MYO16: variants seen among roughly 807,000 people sequenced by gnomAD.
The protein encoded by MYO16 is unconventional myosin-XVI.
MYO16 carries 94 observed loss-of-function variants against 205.3 expected under a neutral mutation model. The ratio of observed to expected loss-of-function variants is 0.46; its 90% CI spans 0.39 to 0.54. The LOEUF is 0.54. Among genes scored for constraint, MYO16 ranks in the 20% least tolerant of loss-of-function variants. The pLI is 0.00. For synonymous variants in MYO16, 988 were observed against 954.0 expected, an observed-to-expected ratio of 1.04 and a Z score of -0.66; for missense variants, 2,315 against 2,387.5, an observed-to-expected ratio of 0.97 and a Z score of 0.63.
intron 32 of MYO16, among the ~76,000 whole-genome samples, chr13:109,161,258 C>T (rs535067929): frequency 7.2e-5 from 11 of 152,324 alleles, no homozygotes; most frequent in East Asian, 5.8e-4. Flanking sequence ...GTGGTAAACT[C>T]GTCACAGGAA....
At chr13:108,505,373 A>AG in the MYO16 span, among the ~76,000 whole-genome samples, 1 of 152,132 alleles carries the variant, frequency 6.6e-6, no homozygotes, top group South Asian at 2.1e-4. Flanking sequence ...CATCCTAACA[A>AG]GTGTAAGGTC....
At chr13:108,927,868 G>T (rs1007059932) in intron 16 of MYO16, among the ~76,000 whole-genome samples, 5 of 152,206 alleles carry the variant, frequency 3.3e-5, no homozygotes, top group African/African-American at 1.2e-4. Context: ...AGGTCACCGG[G>T]CCAACGCGTG....
intron 32 of MYO16, among the ~76,000 whole-genome samples, chr13:109,147,560 A>G (rs900220520): frequency 6.6e-6 from 1 of 152,186 alleles, no homozygotes; most frequent in Non-Finnish European, 1.5e-5. Context: ...TGCAGAGCTT[A>G]GCATCCCCCA....
Position 109,149,212 on chromosome 13 carries a change from C to T in MYO16, c.5164+7836C>T, listed in dbSNP as rs142618583. 2.4e-3 allele frequency among the ~76,000 whole-genome samples: 370 copies of T among 152,252 alleles called. 3 individuals are homozygous for T. The highest frequency in any genetic ancestry group is 6.8e-3 in the African/African-American group (281 of 41,536). ...CCATAGCAGCGCTTCTAGGTGCATA[C>T]GTATAATGGGAAATACTCAGATATA... is the stretch of plus-strand genomic sequence containing the variant. On this transcript the variant is annotated intron_variant, in intron 32 of 34. Coordinates refer to ENST00000457511, the MANE Select transcript of MYO16 (RefSeq NM_001198950.3).
intron 11 of MYO16, among the ~76,000 whole-genome samples, 186 bp from the exon 12 acceptor site, chr13:108,865,987 TTTAA>T (rs1878693057): frequency 6.6e-6 from 1 of 152,108 alleles, no homozygotes; most frequent in African/African-American, 2.4e-5. Flanking sequence ...ATTTGAATTA[TTTAA>T]TTCATTTAAT....
intron 29 of MYO16, among the ~76,000 whole-genome samples, chr13:109,124,495 T>G (rs952484546): frequency 6.6e-6 from 1 of 152,318 alleles, no homozygotes; most frequent in South Asian, 2.1e-4. Context: ...GGTCTTTTAT[T>G]TTTAATTCTT....
rs531473904 is a variant in MYO16, at chr13:108,961,802, A to G, written c.2155+146A>G. ...ATTCAGTGAGGGGGGGAAATTGTCT[A>G]CTTTGTTTTTTCTTAAAATCTGTTG... On this transcript the variant is annotated intron_variant, in intron 18 of 34. Coordinates refer to ENST00000457511, the MANE Select transcript of MYO16 (RefSeq NM_001198950.3). 338 of 653,742 alleles carry G rather than the reference A, an allele frequency of 5.2e-4. 3 individuals carry two copies. Among genetic ancestry groups the G allele is most frequent in the South Asian group, 1.5e-3 (79 of 53,412 alleles). 40.5% of individuals were successfully genotyped at this position (653,742 alleles called of 1,614,324 possible). A position where few individuals can be genotyped will look rare whatever the true frequency, so the allele number is the denominator to read the frequency against.
intron 2 of MYO16, among the ~76,000 whole-genome samples, chr13:108,667,004 C>T (rs1220753999): frequency 6.6e-6 from 1 of 152,188 alleles, no homozygotes; most frequent in Admixed American, 6.5e-5. Flanking sequence ...CTAAAATGAG[C>T]ATCTTCACAA....
chr13:109,165,953 C>T (rs1878640720), intron 33 of MYO16, among the ~76,000 whole-genome samples: 1 of 151,876 alleles, frequency 6.6e-6, no homozygotes, highest in African/African-American at 2.4e-5. Flanking sequence ...CAGATGTAAC[C>T]AGGCCTACAG....
At chr13:108,537,297 A>G in the MYO16 span, among the ~76,000 whole-genome samples, 5 of 152,096 alleles carry the variant, frequency 3.3e-5, no homozygotes, top group East Asian at 9.6e-4. Flanking sequence ...AATGGCCTCC[A>G]GCTCCATTCA....
At chr13:108,750,511 A>G (rs1219423921) in intron 4 of MYO16, among the ~76,000 whole-genome samples, 5 of 150,570 alleles carry the variant, frequency 3.3e-5, no homozygotes, top group Non-Finnish European at 4.4e-5. Context: ...GCTCACACTT[A>G]TATTCCCAGC....
At chr13:108,518,628 T>G in the MYO16 span, among the ~76,000 whole-genome samples, 1 of 152,188 alleles carries the variant, frequency 6.6e-6, no homozygotes, top group South Asian at 2.1e-4. Context: ...GTAATGTGAC[T>G]TAGACAATTA....
intron 3 of MYO16, among the ~76,000 whole-genome samples, chr13:108,724,917 A>C (rs1008571140): frequency 1.3e-5 from 2 of 152,158 alleles, no homozygotes; most frequent in Non-Finnish European, 2.9e-5. Flanking sequence ...TCACAGTCAC[A>C]ATTCTCAGTG....
At chr13:108,866,110 A>G (rs1055587967) in intron 11 of MYO16, 67 bp from the exon 12 acceptor site, 44 of 989,652 alleles carry the variant, frequency 4.4e-5, no homozygotes, top group Non-Finnish European at 5.9e-5. Context: ...TTTAAATTGT[A>G]TGATTTTTAT....
intron 16 of MYO16, among the ~76,000 whole-genome samples, chr13:108,911,034 A>AACACACACACACAC (rs113296282): frequency 1.0e-3 from 145 of 138,542 alleles, no homozygotes; most frequent in Middle Eastern, 3.6e-3. Context: ...TATAGGAGAA[A>AACACACACACACAC]ACACACACAC....
chr13:109,012,769 A>ATGTG (rs199579912), intron 22 of MYO16, among the ~76,000 whole-genome samples: 84 of 120,464 alleles, frequency 7.0e-4, no homozygotes, highest in Non-Finnish European at 1.2e-3. Flanking sequence ...TTGTTGTTAT[A>ATGTG]TGTGTGTGTG....
chr13:108,596,072 A>G (rs1273908718), upstream of MYO16: 2 of 145,832 alleles, frequency 1.4e-5, no homozygotes, highest in African/African-American at 5.1e-5. Flanking sequence ...GTCGATCTAC[A>G]GGAATCGGCC....
At chr13:108,596,710 AC>A (rs1391722815) in intron 1 of MYO16, among the ~76,000 whole-genome samples, 10 of 152,216 alleles carry the variant, frequency 6.6e-5, no homozygotes, top group Non-Finnish European at 1.2e-4. Context: ...TAAAACTGAC[AC>A]CTTTTTTTTA....
chr13:109,055,259 ACAC>A lies in MYO16; in HGVS notation c.3130-130_3130-128del. On this transcript the variant is annotated intron_variant, in intron 26 of 34. Coordinates refer to ENST00000457511, the MANE Select transcript of MYO16 (RefSeq NM_001198950.3). This position sits in a 1 kb window ranked among gnomAD's most constrained non-coding sequence, Gnocchi z 5.0. ...AAAAAGTAAACATACACACACACAC[ACAC>A]ACACACACACACAGAGTAAATGCAT... The A allele has an allele frequency of 1.1e-6, 1 of 915,840 alleles. No individual in the cohort carries two copies. The highest frequency in any genetic ancestry group is 1.7e-6 in the Non-Finnish European group (1 of 603,684). The allele number at this position is 915,840 out of a possible 1,614,324, so 56.7% of individuals were successfully genotyped here.
Sources: allele counts gnomAD v4.1 joint callset (sites outside exome capture counted in the v4.1 genomes callset), GRCh38; gene constraint gnomAD v4.1.1; non-coding constraint Gnocchi (gnomAD v3.1); transcripts MANE v1.5; gene names NCBI Gene and HGNC (gene_info 2026-07-23, HGNC 2026-07-21).